TMLHE: variants seen among roughly 807,000 people sequenced by gnomAD.
TMLHE encodes trimethyllysine dioxygenase, mitochondrial.
In TMLHE, 18 loss-of-function variants were observed where a neutral mutation model predicts 25.7. The ratio of observed to expected loss-of-function variants is 0.70; its 90% CI spans 0.48 to 1.04. The LOEUF is 1.04. Ranked by LOEUF, TMLHE falls within the 50% of genes least tolerant of loss-of-function variation. The pLI is 0.00. For missense variants in TMLHE, 236 were observed against 259.0 expected (o/e 0.91, Z 0.61); for synonymous variants, 105 against 97.0 (o/e 1.08, Z -0.49).
rs184066595 is a variant in TMLHE, at chrX:155,512,093, G to A, written c.639-301C>T. 3.8e-3 allele frequency among the ~76,000 whole-genome samples: 423 copies of A among 111,246 alleles called. 2 individuals are homozygous for A. Among genetic ancestry groups the A allele is most frequent in the African/African-American group, 0.013 (390 of 30,658 alleles). On this transcript the variant is annotated intron_variant, in intron 4 of 7. Transcript: ENST00000334398. ...GTTTTCATAGCCTTCATAAATTCAA[G>A]GTTCTTTTCTATGCTCACCTTTCTT...
intron 1 of TMLHE, among the ~76,000 whole-genome samples, chrX:155,587,884 G>A (rs1284687680): frequency 8.9e-6 from 1 of 112,104 alleles, no homozygotes. Flanking sequence ...CCATGCTTAA[G>A]TATTGGAATA....
chrX:155,574,193 GTA>G (rs1358810071), intron 1 of TMLHE, among the ~76,000 whole-genome samples: 1 of 108,086 alleles, frequency 9.3e-6, no homozygotes, highest in Non-Finnish European at 1.9e-5. Context: ...GGATATCCAG[GTA>G]ATGAGACAGC....
chrX:155,544,775 G>A (rs1285849542), intron 2 of TMLHE, among the ~76,000 whole-genome samples: 2 of 110,382 alleles, frequency 1.8e-5, no homozygotes, highest in African/African-American at 6.6e-5. Context: ...GGAGCAGGCT[G>A]AGTTGCCTTC....
intron 1 of TMLHE, among the ~76,000 whole-genome samples, chrX:155,545,719 T>G (rs2067340301): frequency 1.8e-5 from 2 of 111,836 alleles, no homozygotes; most frequent in African/African-American, 3.2e-5. Context: ...TGTGTTTACA[T>G]ACACAAATGC....
chrX:155,568,817 C>T (rs1557342561), intron 1 of TMLHE, among the ~76,000 whole-genome samples: 1 of 61,090 alleles, frequency 1.6e-5, no homozygotes, highest in African/African-American at 3.7e-5. Flanking sequence ...AGGATATCCA[C>T]ACCAAAAACC....
chrX:155,535,545 AGG>A (rs1373444932), intron 2 of TMLHE, among the ~76,000 whole-genome samples: 1 of 112,442 alleles, frequency 8.9e-6, no homozygotes, highest in Non-Finnish European at 1.9e-5. Flanking sequence ...ATTGGGAGTT[AGG>A]CTTCAACATA....
chrX:155,594,911 GA>G (rs2067712740), intron 1 of TMLHE, among the ~76,000 whole-genome samples: 1 of 111,181 alleles, frequency 9.0e-6, no homozygotes, highest in Admixed American at 9.5e-5. Context: ...CTTATACACA[GA>G]ATTTTTTCAA....
At chrX:155,612,481 C>CG (rs1387351247) in intron 1 of TMLHE, 3 of 112,388 alleles carry the variant, frequency 2.7e-5, no homozygotes, top group Admixed American at 9.3e-5. Flanking sequence ...GTACACTGGG[C>CG]GTCAGTCCCA....
At chrX:155,508,530 T>A (rs1019342036) in intron 5 of TMLHE, among the ~76,000 whole-genome samples, 2 of 110,963 alleles carry the variant, frequency 1.8e-5, no homozygotes, top group Non-Finnish European at 3.8e-5. Context: ...GGAGAGATCA[T>A]TTCAAGTAAG....
chrX:155,554,488 T>C (rs1489588478), intron 1 of TMLHE, among the ~76,000 whole-genome samples: 2 of 111,515 alleles, frequency 1.8e-5, no homozygotes, highest in Admixed American at 1.9e-4. Flanking sequence ...TTTTGAAAAG[T>C]CAAAGCCAAT....
chrX:155,559,926 A>G (rs2067483374), intron 1 of TMLHE, among the ~76,000 whole-genome samples: 1 of 112,486 alleles, frequency 8.9e-6, no homozygotes, highest in Admixed American at 9.4e-5. Context: ...CTTAGCTCAA[A>G]TGTCACCTTC....
At chrX:155,511,294 G>A (rs781854276) in intron 5 of TMLHE, among the ~76,000 whole-genome samples, 1 of 110,240 alleles carries the variant, frequency 9.1e-6, no homozygotes, top group East Asian at 2.9e-4. Flanking sequence ...ACTTGCTCCT[G>A]TTTTTGCCAT....
At position 155,548,614 on chromosome X, in the gene TMLHE, A is replaced by C. The variant is rs918089506; in HGVS notation, c.-1-3337T>G. ...GCCGGGTGTGGTGGCACACACCTGT[A>C]TTCCCAGCTACTCAGGAGGCTGAGG... On this transcript the variant is annotated intron_variant, in intron 1 of 7. Coordinates refer to ENST00000334398, the MANE Select transcript of TMLHE (RefSeq NM_018196.4). Among the ~76,000 whole-genome samples, 20 of 108,520 alleles carry C rather than the reference A, an allele frequency of 1.8e-4. 1 individual carries two copies. The highest frequency in any genetic ancestry group is 5.8e-4 in the African/African-American group (17 of 29,311). 94.2% of individuals were successfully genotyped at this position (108,520 alleles called of 115,157 possible). A position where few individuals can be genotyped will look rare whatever the true frequency, so the allele number is the denominator to read the frequency against.
chrX:155,557,199 C>T (rs936402070), intron 1 of TMLHE, among the ~76,000 whole-genome samples: 1 of 112,120 alleles, frequency 8.9e-6, no homozygotes, highest in Non-Finnish European at 1.9e-5. Flanking sequence ...TAGGAAATCA[C>T]AAGGGTATTG....
intron 1 of TMLHE, among the ~76,000 whole-genome samples, chrX:155,592,230 T>C (rs782439431): frequency 3.2e-4 from 36 of 111,726 alleles, no homozygotes; most frequent in Non-Finnish European, 5.8e-4. Context: ...GGTCAAATGA[T>C]AAACAATTTC....
chrX:155,590,297 C>T (rs1357391388), intron 1 of TMLHE, among the ~76,000 whole-genome samples: 1 of 111,863 alleles, frequency 8.9e-6, no homozygotes, highest in African/African-American at 3.2e-5. Context: ...ATACATCATA[C>T]TTACCAAAAT....
chrX:155,508,443 G>T (rs782672251), intron 5 of TMLHE, among the ~76,000 whole-genome samples: 1 of 111,063 alleles, frequency 9.0e-6, no homozygotes, highest in South Asian at 3.7e-4. Flanking sequence ...TTAGTTACCA[G>T]TTAAAGATGT....
chrX:155,598,636 G>A (rs1308762909), intron 1 of TMLHE, among the ~76,000 whole-genome samples: 1 of 109,248 alleles, frequency 9.2e-6, no homozygotes, highest in Non-Finnish European at 1.9e-5. Flanking sequence ...ACACCAACAT[G>A]GCACATGTAT....
At chrX:155,567,610 G>A (rs112241693) in intron 1 of TMLHE, among the ~76,000 whole-genome samples, 2,125 of 61,871 alleles carry the variant, frequency 0.034, 276 homozygotes, top group African/African-American at 0.073. Flanking sequence ...TCTGGAAACC[G>A]ACAAAATCAT....
Sources: allele counts gnomAD v4.1 joint callset (sites outside exome capture counted in the v4.1 genomes callset), GRCh38; gene constraint gnomAD v4.1.1; transcripts MANE v1.5; gene names NCBI Gene and HGNC (gene_info 2026-07-23, HGNC 2026-07-21).